The following GRIN2A variants were observed in gnomAD, a reference collection of about 807,000 sequenced individuals.
GRIN2A encodes the protein glutamate receptor ionotropic, NMDA 2A.
GRIN2A carries 22 observed loss-of-function variants against 113.4 expected under a neutral mutation model. The ratio of observed to expected loss-of-function variants is 0.19; its 90% CI spans 0.14 to 0.28. The LOEUF is 0.28. Among genes scored for constraint, GRIN2A ranks in the 10% least tolerant of loss-of-function variants. GRIN2A has a pLI of 1.00. For synonymous variants in GRIN2A, 827 were observed against 738.4 expected (o/e 1.12, Z -1.94); for missense variants, 1,502 against 1,887.0 (o/e 0.80, Z 3.78).
Position 9,768,879 on chromosome 16 carries a change from C to T in GRIN2A, c.2567G>A (p.Arg856Gln), listed in dbSNP as rs368881818. 3.1e-5 allele frequency: 50 copies of T among 1,613,888 alleles called. No homozygotes were observed. Among genetic ancestry groups the T allele is most frequent in the Non-Finnish European group, 3.8e-5 (45 of 1,179,900 alleles). Residue 856 changes from arginine to glutamine, a missense_variant, in exon 12 of 13, where the codon CGG becomes CAG. This residue lies in a region of GRIN2A where 832 missense variants were observed against 789.7 expected (regional missense o/e 1.05). Transcript: ENST00000330684. ...RFCFTGVCSDRPGLLFSISRG... is the reference protein window; with the variant it reads ...RFCFTGVCSDQPGLLFSISRG... ...GCTGATGGAGAAGAGCAACCCAGGCCGGTCGGAGCACACGCCCGTGAAACA... is the reference window on the plus strand; with the variant it reads ...GCTGATGGAGAAGAGCAACCCAGGCTGGTCGGAGCACACGCCCGTGAAACA...
intron 3 of GRIN2A, among the ~76,000 whole-genome samples, chr16:9,906,508 G>A (rs751762920): frequency 1.3e-5 from 2 of 152,182 alleles, no homozygotes; most frequent in Admixed American, 1.3e-4. Flanking sequence ...GGATCGGTAC[G>A]TGACTCAATC....
At chr16:10,169,616 C>T (rs540156758) in intron 2 of GRIN2A, among the ~76,000 whole-genome samples, 1 of 152,264 alleles carries the variant, frequency 6.6e-6, no homozygotes, top group South Asian at 2.1e-4. Context: ...GATAAACCAG[C>T]AGCTGAGGAA....
At chr16:10,038,670 T>C (rs2047081518) in intron 2 of GRIN2A, among the ~76,000 whole-genome samples, 1 of 143,470 alleles carries the variant, frequency 7.0e-6, no homozygotes, top group African/African-American at 2.5e-5. Flanking sequence ...GGTGAAACCC[T>C]GTCTCTACTA....
At chr16:10,143,017 G>C (rs576124670) in intron 2 of GRIN2A, among the ~76,000 whole-genome samples, 1 of 152,218 alleles carries the variant, frequency 6.6e-6, no homozygotes, top group East Asian at 1.9e-4. Context: ...GGTATACTTA[G>C]GATAGATTAC....
At chr16:10,135,133 G>T (rs1393892134) in intron 2 of GRIN2A, among the ~76,000 whole-genome samples, 3 of 152,134 alleles carry the variant, frequency 2.0e-5, no homozygotes, top group Non-Finnish European at 4.4e-5. Context: ...GAAGAAACCA[G>T]GCTGCCCCTT....
In GRIN2A at chr16:9,829,611, G is replaced by C. The variant is rs1470460131; in HGVS notation, c.1819C>G (p.Leu607Val). Reference protein sequence around the residue: ...PSFTIGKAIWLLWGLVFNNSV... With the variant: ...PSFTIGKAIWVLWGLVFNNSV... ...TTATTGAACACCAGGCCCCAAAGAA[G>C]CCATATAGCTTTTCCAATTGTAAAA... The change falls in exon 9 of 13, where the codon CTT (leucine) becomes GTT (valine). Residue 607 changes from leucine (L) to valine (V), a missense_variant. By Grantham distance (32) the Leu-to-Val change is conservative. This residue lies in a region of GRIN2A where 82 missense variants were observed against 222.7 expected (regional missense o/e 0.37). Coordinates refer to ENST00000330684, the MANE Select transcript of GRIN2A (RefSeq NM_001134407.3). 1.2e-6 allele frequency: 2 copies of C among 1,613,918 alleles called. No individual in the cohort carries two copies. Among genetic ancestry groups the C allele is most frequent in the African/African-American group, 1.3e-5 (1 of 75,030 alleles).
chr16:9,990,818 GCA>G (rs149737405), intron 2 of GRIN2A, among the ~76,000 whole-genome samples: 4,286 of 152,280 alleles, frequency 0.028, 64 homozygotes, highest in South Asian at 0.074. Flanking sequence ...TGTAATCCAA[GCA>G]CTTTGGGAGG....
In GRIN2A at chr16:9,761,786, A is replaced by G; in HGVS notation, c.*1363T>C. On this transcript the variant is annotated 3_prime_UTR_variant, in exon 13 of 13. Coordinates refer to ENST00000330684, the MANE Select transcript of GRIN2A (RefSeq NM_001134407.3). ...GAGGAGAATAAGAATGGGATAATGC[A>G]GGCGACTCAGAAATGACAAATACTT... 4.8e-6 allele frequency: 1 copy of G among 207,866 alleles called. No homozygotes were observed. The allele number at this position is 207,866 out of a possible 1,614,324, so 12.9% of individuals were successfully genotyped here. A position where few individuals can be genotyped will look rare whatever the true frequency, so the allele number is the denominator to read the frequency against.
At chr16:9,996,656 T>G (rs1443911390) in intron 2 of GRIN2A, among the ~76,000 whole-genome samples, 2 of 152,230 alleles carry the variant, frequency 1.3e-5, no homozygotes, top group African/African-American at 4.8e-5. Flanking sequence ...CACATAGCTG[T>G]TGTGGTTTTT....
At chr16:10,142,230 TCACA>T (rs753405389) in intron 2 of GRIN2A, among the ~76,000 whole-genome samples, 1 of 151,348 alleles carries the variant, frequency 6.6e-6, no homozygotes, top group Non-Finnish European at 1.5e-5. Context: ...TATATAAGGG[TCACA>T]CACACACACA....
At chr16:9,888,036 A>G (rs1412215197) in intron 4 of GRIN2A, among the ~76,000 whole-genome samples, 1 of 152,124 alleles carries the variant, frequency 6.6e-6, no homozygotes, top group African/African-American at 2.4e-5. Context: ...CACCTCCCGG[A>G]TTCAAGTGAT....
chr16:9,829,011 G>C (rs1474582425), intron 9 of GRIN2A, among the ~76,000 whole-genome samples: 2 of 152,160 alleles, frequency 1.3e-5, no homozygotes. Flanking sequence ...TCAGGTCATA[G>C]ATGAGGTACC....
chr16:10,002,391 T>A (rs1462685709), intron 2 of GRIN2A, among the ~76,000 whole-genome samples: 1 of 152,206 alleles, frequency 6.6e-6, no homozygotes, highest in Non-Finnish European at 1.5e-5. Context: ...ATCTGTGGAA[T>A]ACATTCCCCT....
At chr16:9,889,415 G>T (rs1424727677) in intron 4 of GRIN2A, among the ~76,000 whole-genome samples, 2 of 152,068 alleles carry the variant, frequency 1.3e-5, no homozygotes, top group Non-Finnish European at 2.9e-5. Flanking sequence ...CAAAGAACTA[G>T]CTTTTGGCTT....
chr16:10,122,287 T>C (rs2048850791), intron 2 of GRIN2A, among the ~76,000 whole-genome samples: 1 of 152,180 alleles, frequency 6.6e-6, no homozygotes, highest in African/African-American at 2.4e-5. Flanking sequence ...TCCCCTTTTT[T>C]AGCATCAGCT....
intron 4 of GRIN2A, among the ~76,000 whole-genome samples, chr16:9,870,189 G>T (rs2043232372): frequency 6.6e-6 from 1 of 152,102 alleles, no homozygotes; most frequent in African/African-American, 2.4e-5. Flanking sequence ...AAATCCAAAG[G>T]CCTGGCAATT....
chr16:9,921,439 G>C lies in GRIN2A; in HGVS notation c.1007+16520C>G, dbSNP rs112814761. 2.0e-3 allele frequency among the ~76,000 whole-genome samples: 298 copies of C among 152,296 alleles called. 1 individual carries two copies. The highest frequency in any genetic ancestry group is 6.9e-3 in the African/African-American group (288 of 41,552). Reference sequence around the variant, plus strand: ...ATCAGAAGATCGGGTGCTAAAGCCAGAGAGGTCATCTTGATACTGATCCTA... The same window carrying C: ...ATCAGAAGATCGGGTGCTAAAGCCACAGAGGTCATCTTGATACTGATCCTA... On this transcript the variant is annotated intron_variant, in intron 3 of 12. Transcript: ENST00000330684.
chr16:9,827,744 C>A (rs2042412791), intron 9 of GRIN2A, among the ~76,000 whole-genome samples: 1 of 152,110 alleles, frequency 6.6e-6, no homozygotes, highest in Admixed American at 6.5e-5. Flanking sequence ...AAAGGGATCC[C>A]AGGAGATCCA....
At chr16:9,948,313 G>T (rs568697640) in intron 2 of GRIN2A, among the ~76,000 whole-genome samples, 59 of 152,320 alleles carry the variant, frequency 3.9e-4, no homozygotes, top group African/African-American at 1.3e-3. Flanking sequence ...ACTCCAATGA[G>T]CATAAGAATC....
Sources: gnomAD v4.1 joint callset for allele counts (sites outside exome capture counted in the v4.1 genomes callset) on GRCh38, gnomAD v4.1.1 for gene constraint, gnomAD v4.1.1 regional missense constraint, MANE v1.5 for transcripts, NCBI Gene and HGNC (gene_info 2026-07-23, HGNC 2026-07-21) for gene names.